Variants in MALRD1 observed in about 807,000 individuals in gnomAD.
MALRD1 encodes MAM and LDL-receptor class A domain-containing protein 1.
In MALRD1, 247 loss-of-function variants were observed where a neutral mutation model predicts 242.1. That is an observed-to-expected ratio of 1.02 (90% confidence interval 0.92 to 1.13). The LOEUF (loss-of-function observed/expected upper bound fraction) is 1.13, where lower values mean the gene tolerates loss of function less well. Among genes scored for constraint, MALRD1 ranks in the 50% most tolerant of loss-of-function variants. The probability of loss-of-function intolerance (pLI) is 0.00; values close to 1 mark genes in which losing one functional copy is unlikely to be tolerated. For missense variants in MALRD1, 2,989 were observed against 2,533.1 expected (o/e 1.18, Z -3.86); for synonymous variants, 995 against 866.6 (o/e 1.15, Z -2.60).
At position 19,657,737 on chromosome 10, in the gene MALRD1, T is replaced by C. The variant is rs116642128; in HGVS notation, c.6138-34545T>C. Among the ~76,000 whole-genome samples, 1,433 of 152,256 alleles carry C rather than the reference T, an allele frequency of 9.4e-3. 23 individuals are homozygous for C. Among genetic ancestry groups the C allele is most frequent in the African/African-American group, 0.032 (1,346 of 41,544 alleles). On this transcript the variant is annotated intron_variant, in intron 36 of 39. Coordinates refer to ENST00000454679, the MANE Select transcript of MALRD1 (RefSeq NM_001142308.3). ...TAGCTATTTTAAATTAAACAGTTAA[T>C]TATTATTGACTATAGCCTCACAGGG...
At chr10:19,616,600 A>G (rs1839169269) in intron 36 of MALRD1, among the ~76,000 whole-genome samples, 1 of 152,042 alleles carries the variant, frequency 6.6e-6, no homozygotes. Flanking sequence ...TAGCAGACCA[A>G]TGGATATATC....
chr10:19,556,698 TATAA>T (rs1835733838), intron 32 of MALRD1, among the ~76,000 whole-genome samples: 1 of 152,152 alleles, frequency 6.6e-6, no homozygotes, highest in Admixed American at 6.6e-5. Flanking sequence ...TTTTGGCAAT[TATAA>T]ATAAAGTTGC....
At chr10:19,095,883 T>C (rs76695871) in intron 4 of MALRD1, among the ~76,000 whole-genome samples, 17 of 152,148 alleles carry the variant, frequency 1.1e-4, no homozygotes, top group Admixed American at 9.8e-4. Context: ...TTGAGTCACA[T>C]TGAGTAGACG....
chr10:19,540,104 A>G (rs1366487359), intron 32 of MALRD1, among the ~76,000 whole-genome samples: 1 of 151,854 alleles, frequency 6.6e-6, no homozygotes, highest in Admixed American at 6.6e-5. Context: ...TGTCAAACTC[A>G]CTGAGGGCCC....
Position 19,455,332 on chromosome 10 carries a change from A to G in MALRD1, c.5029+4842A>G, listed in dbSNP as rs575320559. The stretch of plus-strand genomic sequence containing the variant: ...ATTTCAGAACGTTACTTAAAGTACA[A>G]TCATTTCTTAAGTACAGTCATTCAC... On this transcript the variant is annotated intron_variant, in intron 29 of 39. Coordinates refer to ENST00000454679, the MANE Select transcript of MALRD1 (RefSeq NM_001142308.3). Among the ~76,000 whole-genome samples the G allele has an allele frequency of 5.3e-5, 8 of 152,320 alleles. No individual in the cohort carries two copies. In the South Asian group the frequency reaches 1.2e-3, roughly 24 times the overall value.
intron 5 of MALRD1, among the ~76,000 whole-genome samples, chr10:19,118,792 T>C (rs1039561731): frequency 6.6e-6 from 1 of 152,162 alleles, no homozygotes; most frequent in African/African-American, 2.4e-5. Context: ...GGGCTTAGGA[T>C]TTAATTTTTT....
At chr10:19,147,678 A>T (rs1192021269) in intron 11 of MALRD1, among the ~76,000 whole-genome samples, 1 of 152,244 alleles carries the variant, frequency 6.6e-6, no homozygotes, top group African/African-American at 2.4e-5. Flanking sequence ...CTGGTAGCTT[A>T]AGTAGATAAG....
Position 19,440,684 on chromosome 10 carries a change from T to G in MALRD1, c.4846-9623T>G, listed in dbSNP as rs560820815. Among the ~76,000 whole-genome samples the G allele has an allele frequency of 2.4e-3, 367 of 152,334 alleles. 5 individuals carry two copies. The East Asian group carries it at 0.048, about 20-fold the overall frequency. ...CAAAGGACATGGACTCATCCTTTTT[T>G]ATCACTGCATAGTATTCCATGGTGT... is the stretch of plus-strand genomic sequence containing the variant. On this transcript the variant is annotated intron_variant, in intron 28 of 39. Transcript: ENST00000454679.
Position 19,539,914 on chromosome 10 carries a change from GCACA to G in MALRD1, c.5478+8567_5478+8570del, listed in dbSNP as rs762357091. Among the ~76,000 whole-genome samples the G allele has an allele frequency of 7.2e-3, 617 of 85,490 alleles. 4 individuals carry two copies. Among genetic ancestry groups the G allele is most frequent in the Middle Eastern group, 0.026 (4 of 156 alleles). 56.1% of individuals were successfully genotyped at this position (85,490 alleles called of 152,430 possible). ...TGTGTGTGTGCGCGCGCGCGTGCGC[GCACA>G]CACGCGCAGTGATGGGGTTTTGCCA... On this transcript the variant is annotated intron_variant, in intron 32 of 39. Coordinates refer to ENST00000454679, the MANE Select transcript of MALRD1 (RefSeq NM_001142308.3).
At chr10:19,536,677 A>T (rs1199515168) in intron 32 of MALRD1, among the ~76,000 whole-genome samples, 1 of 152,120 alleles carries the variant, frequency 6.6e-6, no homozygotes, top group East Asian at 1.9e-4. Flanking sequence ...CTATGACCTT[A>T]CAAAATAATA....
At chr10:19,698,284 T>G (rs1292896803) in intron 38 of MALRD1, among the ~76,000 whole-genome samples, 1 of 152,174 alleles carries the variant, frequency 6.6e-6, no homozygotes, top group African/African-American at 2.4e-5. Context: ...ACTCTAATAG[T>G]ATCAATCCCT....
chr10:19,522,171 G>A (rs139347033), intron 31 of MALRD1, among the ~76,000 whole-genome samples: 143 of 152,170 alleles, frequency 9.4e-4, no homozygotes, highest in African/African-American at 2.9e-3. Context: ...AGGACTGTCT[G>A]CATTCTTCTA....
chr10:19,606,742 C>A lies in MALRD1; in HGVS notation c.5945-1035C>A, dbSNP rs559775351. ...CCAGAAAAGGGATCAGGCCTGCAAC[C>A]CCGGCTTCTTGGCTTCCAGGTCCTG... On this transcript the variant is annotated intron_variant, in intron 34 of 39. Transcript: ENST00000454679. Among the ~76,000 whole-genome samples, 6 of 152,114 alleles carry A rather than the reference C, an allele frequency of 3.9e-5. No individual in the cohort carries two copies. The South Asian group carries it at 1.0e-3, about 26-fold the overall frequency.
chr10:19,183,383 A>G (rs147150588), intron 14 of MALRD1, among the ~76,000 whole-genome samples: 6 of 152,214 alleles, frequency 3.9e-5, no homozygotes, highest in African/African-American at 1.2e-4. Context: ...TGAGCATATC[A>G]CTTCTCTTAC....
intron 33 of MALRD1, among the ~76,000 whole-genome samples, chr10:19,577,319 A>C (rs1339847085): frequency 6.6e-6 from 1 of 152,208 alleles, no homozygotes; most frequent in East Asian, 1.9e-4. Context: ...TGTTTGTCAA[A>C]AGATGGGTTA....
At position 19,725,018 on chromosome 10, in the gene MALRD1, A is replaced by G. The variant is rs184439819; in HGVS notation, c.6315-5688A>G. The G allele has an allele frequency of 6.0e-4, 91 of 152,348 alleles. 1 individual carries two copies. In the East Asian group the frequency reaches 7.1e-3, roughly 12 times the overall value. The allele number at this position is 152,348 out of a possible 1,614,324, so 9.4% of individuals were successfully genotyped here. ...AAATACCTGGGAATAAATTTAACCAATGAGGTGAAAGATTTATACACTTAA... is the reference window on the plus strand; with the variant it reads ...AAATACCTGGGAATAAATTTAACCAGTGAGGTGAAAGATTTATACACTTAA... On this transcript the variant is annotated intron_variant, in intron 38 of 39. Coordinates refer to ENST00000454679, the MANE Select transcript of MALRD1 (RefSeq NM_001142308.3).
At chr10:19,715,174 C>T (rs527433720) in intron 38 of MALRD1, among the ~76,000 whole-genome samples, 1 of 152,026 alleles carries the variant, frequency 6.6e-6, no homozygotes, top group Non-Finnish European at 1.5e-5. Flanking sequence ...CCTATACTGA[C>T]CATTCTCAAA....
chr10:19,406,563 G>A (rs991878938), intron 28 of MALRD1, among the ~76,000 whole-genome samples: 1 of 152,142 alleles, frequency 6.6e-6, no homozygotes, highest in African/African-American at 2.4e-5. Flanking sequence ...GGCTAAGGGT[G>A]TCTGTCATTT....
chr10:19,258,922 C>T (rs1372276458), intron 19 of MALRD1, among the ~76,000 whole-genome samples: 1 of 152,076 alleles, frequency 6.6e-6, no homozygotes, highest in East Asian at 1.9e-4. Context: ...GCTGCTTATT[C>T]CATATTAACA....
Sources: allele counts gnomAD v4.1 joint callset (sites outside exome capture counted in the v4.1 genomes callset), GRCh38; gene constraint gnomAD v4.1.1; transcripts MANE v1.5; gene names NCBI Gene and HGNC (gene_info 2026-07-23, HGNC 2026-07-21).